The following GDPD4 variants were observed in gnomAD, a reference collection of about 807,000 sequenced individuals.
GDPD4 encodes the protein glycerophosphodiester phosphodiesterase 6.
Under a neutral mutation model 67.8 loss-of-function variants are expected in GDPD4, and 60 were observed. The observed-to-expected ratio is 0.88, with a 90% CI of 0.72 to 1.10. The LOEUF (loss-of-function observed/expected upper bound fraction) is 1.10, where lower values mean the gene tolerates loss of function less well. GDPD4 is among the 50% of genes least tolerant of loss of function. GDPD4 has a pLI of 0.00. For missense variants in GDPD4, 623 were observed against 613.9 expected, an observed-to-expected ratio of 1.01 and a Z score of -0.16; for synonymous variants, 212 against 210.9, an observed-to-expected ratio of 1.00 and a Z score of -0.04.
chr11:77,269,956 TCTAA>T lies in GDPD4; in HGVS notation c.401_404del (p.Val134GlufsTer2). On this transcript the variant is annotated frameshift_variant and splice_region_variant, in exon 8 of 17. Coordinates refer to ENST00000315938, the MANE Select transcript of GDPD4 (RefSeq NM_182833.3). LOFTEE classifies it high-confidence loss of function. ...AATGTGTCATCCTGTATCTTCTCAT[TCTAA>T]CTAAAATTTAGAAAGTGAAAAAGAA... 5 of 1,513,548 alleles carry T rather than the reference TCTAA, an allele frequency of 3.3e-6. No individual in the cohort carries two copies. The Admixed American group carries it at 7.0e-5, about 21-fold the overall frequency. 93.8% of individuals were successfully genotyped at this position (1,513,548 alleles called of 1,614,324 possible).
chr11:77,257,593 A>ACACACACC (rs1565526840), intron 11 of GDPD4, among the ~76,000 whole-genome samples: 1 of 121,694 alleles, frequency 8.2e-6, no homozygotes, highest in Non-Finnish European at 1.7e-5. Context: ...ACACACACAC[A>ACACACACC]CCCTGTTGCT....
chr11:77,290,717 C>T (rs1937744546), intron 1 of GDPD4, among the ~76,000 whole-genome samples: 1 of 152,044 alleles, frequency 6.6e-6, no homozygotes, highest in Non-Finnish European at 1.5e-5. Context: ...CAAGAACAAA[C>T]CAAAGCCCTT....
chr11:77,232,825 AATT>A (rs1256839588), intron 14 of GDPD4, among the ~76,000 whole-genome samples, 197 bp downstream of exon 14: 11 of 152,222 alleles, frequency 7.2e-5, no homozygotes, highest in African/African-American at 9.7e-5. Context: ...AATAAATGTC[AATT>A]ATTATAACAA....
At position 77,243,733 on chromosome 11, in the gene GDPD4, A is replaced by G. The variant is rs139634188; in HGVS notation, c.1202T>C (p.Ile401Thr). 164 of 1,601,580 alleles carry G rather than the reference A, an allele frequency of 1.0e-4. 2 individuals are homozygous for G. In the African/African-American group the frequency reaches 2.0e-3, roughly 20 times the overall value. ...GAACAACTTCTTGTAGTCAACATTT[A>G]TTATACTGATATTGTTTTTAGCAAG... is the stretch of plus-strand genomic sequence containing the variant. ...ETLAKNNISI[I>T]NVDYKKLFPN... The change falls in exon 13 of 17, where the codon ATA (isoleucine) becomes ACA (threonine). Residue 401 changes from isoleucine to threonine, a missense_variant. Ile to Thr is a moderately conservative substitution (Grantham distance 89). Coordinates refer to ENST00000315938, the MANE Select transcript of GDPD4 (RefSeq NM_182833.3).
At position 77,269,130 on chromosome 11, in the gene GDPD4, A is replaced by G. The variant is rs115695320; in HGVS notation, c.479-61T>C. On this transcript the variant is annotated intron_variant, in intron 8 of 16. Transcript: ENST00000315938. ...AAGAGATAAAGAGGGATGGAAAATC[A>G]TCCCAAGCAAAGCAGCAGTCTGAGT... is the stretch of plus-strand genomic sequence containing the variant. 7.3e-4 allele frequency: 1,103 copies of G among 1,510,202 alleles called. 6 individuals carry two copies. In the African/African-American group the frequency reaches 0.013, roughly 18 times the overall value. The allele number at this position is 1,510,202 out of a possible 1,614,324, so 93.6% of individuals were successfully genotyped here. A position where few individuals can be genotyped will look rare whatever the true frequency, so the allele number is the denominator to read the frequency against.
At chr11:77,301,485 C>G (rs539612418) in intron 1 of GDPD4, 120 bp downstream of exon 1, 1 of 152,350 alleles carries the variant, frequency 6.6e-6, no homozygotes, top group South Asian at 2.1e-4. Context: ...AACGACCCGA[C>G]AGAGTGAGCG....
chr11:77,293,725 T>C (rs955904357), intron 1 of GDPD4, among the ~76,000 whole-genome samples: 2 of 152,144 alleles, frequency 1.3e-5, no homozygotes, highest in Non-Finnish European at 2.9e-5. Flanking sequence ...ACACTAGGAA[T>C]AGAATGGCGA....
At chr11:77,301,540 T>TA (rs1938160751) in intron 1 of GDPD4, 65 bp downstream of exon 1, 1 of 152,226 alleles carries the variant, frequency 6.6e-6, no homozygotes, top group African/African-American at 2.4e-5. Flanking sequence ...CTAATAATAC[T>TA]AATAGAACTT....
At chr11:77,260,730 G>A (rs564316679) in intron 10 of GDPD4, among the ~76,000 whole-genome samples, 27 of 152,072 alleles carry the variant, frequency 1.8e-4, no homozygotes, top group African/African-American at 5.8e-4. Context: ...TATAAAAAAC[G>A]GAAATTTAGA....
chr11:77,239,861 T>C (rs1261508002), intron 13 of GDPD4, among the ~76,000 whole-genome samples: 5 of 151,346 alleles, frequency 3.3e-5, no homozygotes, highest in African/African-American at 9.7e-5. Flanking sequence ...ACTTGGGAGG[T>C]TGAAGCAGGA....
In GDPD4 at chr11:77,245,496, G is replaced by T. The variant is rs762748425; in HGVS notation, c.871C>A (p.Pro291Thr). The T allele has an allele frequency of 1.9e-6, 3 of 1,611,504 alleles. No homozygotes were observed. The highest frequency in any genetic ancestry group is 1.1e-5 in the South Asian group (1 of 90,954). ...GATAGAGGTTTCATATTGTAAAATGGCCTGAGCTAGAAACAAATACATCAA... is the reference window on the plus strand; with the variant it reads ...GATAGAGGTTTCATATTGTAAAATGTCCTGAGCTAGAAACAAATACATCAA... ...GKWFVKPELRPFYNMKPLSEA... is the reference protein window; with the variant it reads ...GKWFVKPELRTFYNMKPLSEA... Residue 291 changes from proline (P) to threonine (T), a missense_variant, in exon 12 of 17, where the codon CCA (proline) becomes ACA (threonine). Transcript: ENST00000315938.
chr11:77,216,791 C>G lies in GDPD4; in HGVS notation c.*486G>C. 1 of 611,598 alleles carries G rather than the reference C, an allele frequency of 1.6e-6. No individual in the cohort carries two copies. Among genetic ancestry groups the G allele is most frequent in the South Asian group, 2.0e-5 (1 of 50,450 alleles). The allele number at this position is 611,598 out of a possible 1,614,324, so 37.9% of individuals were successfully genotyped here. Reference sequence around the variant, plus strand: ...ATCAACCACTCCCCACCATCACCACCCTTAGGCAGAGAGAGGAAGAAGCAG... The same window carrying G: ...ATCAACCACTCCCCACCATCACCACGCTTAGGCAGAGAGAGGAAGAAGCAG... On this transcript the variant is annotated 3_prime_UTR_variant, in exon 17 of 17. Coordinates refer to ENST00000315938, the MANE Select transcript of GDPD4 (RefSeq NM_182833.3).
chr11:77,291,258 T>A (rs1439484322), intron 1 of GDPD4, among the ~76,000 whole-genome samples: 1 of 152,134 alleles, frequency 6.6e-6, no homozygotes, highest in African/African-American at 2.4e-5. Context: ...TTCAGTGAAA[T>A]AAGTCAGGCA....
chr11:77,222,646 C>G (rs931058465), intron 16 of GDPD4, among the ~76,000 whole-genome samples: 19 of 152,328 alleles, frequency 1.2e-4, no homozygotes, highest in African/African-American at 4.3e-4. Flanking sequence ...CGACCTTTCT[C>G]TCTGGCTGCC....
chr11:77,279,371 A>C lies in GDPD4; in HGVS notation c.82T>G (p.Phe28Val). Residue 28 changes from phenylalanine to valine, a missense_variant, in exon 4 of 17, where the codon TTT becomes GTT. Phe to Val is a conservative substitution (Grantham distance 50). Transcript: ENST00000315938. ...CTCAGAATAAAAATAGACCAGAAAA[A>C]CCAGTATCCTGTTCCTAGAAAAGTG... is the stretch of plus-strand genomic sequence containing the variant. Reference protein sequence around the residue: ...WVTFLGTGYWFFWSIFILSLA... With the variant: ...WVTFLGTGYWVFWSIFILSLA... 1 of 1,611,730 alleles carries C rather than the reference A, an allele frequency of 6.2e-7. No individual in the cohort carries two copies. The highest frequency in any genetic ancestry group is 8.5e-7 in the Non-Finnish European group (1 of 1,178,122).
intron 16 of GDPD4, among the ~76,000 whole-genome samples, chr11:77,223,634 T>C (rs923810232): frequency 6.6e-6 from 1 of 152,112 alleles, no homozygotes; most frequent in African/African-American, 2.4e-5. Context: ...GTCTCCCAGT[T>C]AGGATACACG....
intron 1 of GDPD4, among the ~76,000 whole-genome samples, chr11:77,295,200 C>A (rs1469654499): frequency 6.6e-6 from 1 of 151,570 alleles, no homozygotes; most frequent in Non-Finnish European, 1.5e-5. Context: ...GTTAGCCAAG[C>A]TGGTCTGGAT....
chr11:77,288,779 AATGTG>A (rs1378196842), intron 1 of GDPD4, among the ~76,000 whole-genome samples: 1 of 152,238 alleles, frequency 6.6e-6, no homozygotes, highest in Non-Finnish European at 1.5e-5. Context: ...ACTTCGAAGT[AATGTG>A]ATAATTATCC....
rs780407258 is a variant in GDPD4, at chr11:77,245,314, G to A, written c.1053C>T (p.Ser351=). 4.3e-5 allele frequency: 70 copies of A among 1,614,004 alleles called. No individual in the cohort carries two copies. The highest frequency in any genetic ancestry group is 5.4e-5 in the Non-Finnish European group (64 of 1,179,998). ...LRHTFVRQVV[S]VILASKIEQH... ...GCTCGATTTTAGAGGCAAGGATCACGCTTACTACTTGGCGGACAAATGTGT... is the reference window on the plus strand; with the variant it reads ...GCTCGATTTTAGAGGCAAGGATCACACTTACTACTTGGCGGACAAATGTGT... Residue 351 remains serine, a synonymous_variant, in exon 12 of 17, where the codon AGC becomes AGT. Coordinates refer to ENST00000315938, the MANE Select transcript of GDPD4 (RefSeq NM_182833.3).
Sources: gnomAD v4.1 joint callset for allele counts (sites outside exome capture counted in the v4.1 genomes callset) on GRCh38, gnomAD v4.1.1 for gene constraint, MANE v1.5 for transcripts, NCBI Gene and HGNC (gene_info 2026-07-23, HGNC 2026-07-21) for gene names.